ARHGEF12: variants seen among roughly 807,000 people sequenced by gnomAD.
The protein encoded by ARHGEF12 is KMT2A/ARHGEF12 fusion protein.
A neutral mutation model predicts 211.2 loss-of-function variants in ARHGEF12; 66 were observed. The observed-to-expected ratio is 0.31, with a 90% CI of 0.26 to 0.38. ARHGEF12 has a LOEUF of 0.38. Among genes scored for constraint, ARHGEF12 ranks in the 10% least tolerant of loss-of-function variants. The probability of loss-of-function intolerance (pLI) is 1.00; values close to 1 mark genes in which losing one functional copy is unlikely to be tolerated. For missense variants in ARHGEF12, 1,429 were observed against 1,869.5 expected (o/e 0.76, Z 4.34); for synonymous variants, 592 against 638.4 (o/e 0.93, Z 1.09).
Position 120,476,556 on chromosome 11 carries a change from A to C in ARHGEF12, c.3278-105A>C, listed in dbSNP as rs1051772123. On this transcript the variant is annotated intron_variant, in intron 33 of 40. Coordinates refer to ENST00000397843, the MANE Select transcript of ARHGEF12 (RefSeq NM_015313.3). ...GATGAATTTTAAAGTAAATATATGT[A>C]ACCTTTATCTAGTTTAAGGGGCAGA... 3 of 625,650 alleles carry C rather than the reference A, an allele frequency of 4.8e-6. No individual in the cohort carries two copies. The African/African-American group carries it at 5.5e-5, about 11-fold the overall frequency. 38.8% of individuals were successfully genotyped at this position (625,650 alleles called of 1,614,324 possible). A position where few individuals can be genotyped will look rare whatever the true frequency, so the allele number is the denominator to read the frequency against.
intron 25 of ARHGEF12, chr11:120,458,637 G>T (rs1033155038): frequency 7.8e-5 from 17 of 218,802 alleles, no homozygotes; most frequent in Non-Finnish European, 1.4e-4. Flanking sequence ...GTATCGAAGT[G>T]CAGTGTTCTT....
intron 1 of ARHGEF12, among the ~76,000 whole-genome samples, chr11:120,389,347 G>C (rs748403452): frequency 6.6e-6 from 1 of 152,052 alleles, no homozygotes; most frequent in Non-Finnish European, 1.5e-5. Context: ...TTCGTAGATT[G>C]TGCTTTTGCT....
At chr11:120,448,491 C>G in intron 20 of ARHGEF12, 143 bp downstream of exon 20, 1 of 626,190 alleles carries the variant, frequency 1.6e-6, no homozygotes, top group Non-Finnish European at 2.8e-6. Flanking sequence ...TGTCTCTGTT[C>G]TCAAGAAACT....
At chr11:120,353,599 A>G (rs894071482) in intron 1 of ARHGEF12, among the ~76,000 whole-genome samples, 5 of 152,152 alleles carry the variant, frequency 3.3e-5, no homozygotes, top group Admixed American at 3.3e-4. Context: ...CGATAGGGAT[A>G]CCTGGCCCCT....
chr11:120,421,514 T>C (rs1305674871), intron 5 of ARHGEF12, among the ~76,000 whole-genome samples: 2 of 141,100 alleles, frequency 1.4e-5, no homozygotes, highest in Non-Finnish European at 3.0e-5. Context: ...CTAGGCTCAC[T>C]GCAACCTCTG....
rs751820784 is a variant in ARHGEF12 at position 120,432,894 on chromosome 11, CTG to C, written c.924+984_924+985del. On this transcript the variant is annotated intron_variant, in intron 11 of 40. Transcript: ENST00000397843. ...CCCAGTTCCTCATGCAAAAAACAAA[CTG>C]AGGATTTGTGGGTTTTTTGTTTTGT... is the stretch of plus-strand genomic sequence containing the variant. 1.2e-4 allele frequency among the ~76,000 whole-genome samples: 18 copies of C among 152,144 alleles called. No individual in the cohort carries two copies. The East Asian group carries it at 2.7e-3, about 23-fold the overall frequency.
intron 1 of ARHGEF12, among the ~76,000 whole-genome samples, chr11:120,358,251 T>C (rs1323902128): frequency 1.3e-5 from 2 of 152,182 alleles, no homozygotes; most frequent in Admixed American, 1.3e-4. Context: ...TAAACTGAAG[T>C]TGTAACATAT....
At position 120,480,041 on chromosome 11, in the gene ARHGEF12, G is replaced by C; in HGVS notation, c.3848G>C (p.Arg1283Thr). Residue 1283 changes from arginine to threonine, a missense_variant, in exon 38 of 41, where the codon AGA (arginine) becomes ACA (threonine). This residue lies in a region of ARHGEF12 where 467 missense variants were observed against 468.4 expected (regional missense o/e 1.00). Transcript: ENST00000397843. ...SVQEDWQHFPRYRTASQGPQT... is the reference protein window; with the variant it reads ...SVQEDWQHFPTYRTASQGPQT... ...CAGGAAGACTGGCAACATTTCCCAAGATACAGAACAGCCTCTCAGGGGCCG... is the reference window on the plus strand; with the variant it reads ...CAGGAAGACTGGCAACATTTCCCAACATACAGAACAGCCTCTCAGGGGCCG... The C allele has an allele frequency of 6.2e-7, 1 of 1,614,164 alleles. No individual in the cohort carries two copies. The highest frequency in any genetic ancestry group is 8.5e-7 in the Non-Finnish European group (1 of 1,180,032).
At chr11:120,450,317 G>A (rs1946167467) in intron 21 of ARHGEF12, 1 of 137,186 alleles carries the variant, frequency 7.3e-6, no homozygotes, top group Non-Finnish European at 1.5e-5. Flanking sequence ...GCTGCTGTGA[G>A]CCATCATCTC....
chr11:120,407,875 A>G (rs763816756), intron 3 of ARHGEF12, 52 bp downstream of exon 3: 1 of 1,505,930 alleles, frequency 6.6e-7, no homozygotes, highest in South Asian at 1.1e-5. Context: ...GAAGTTCAGA[A>G]TAATAGAGCT....
At chr11:120,398,201 T>C (rs538520399) in intron 1 of ARHGEF12, among the ~76,000 whole-genome samples, 3 of 152,338 alleles carry the variant, frequency 2.0e-5, no homozygotes, top group South Asian at 4.1e-4. Flanking sequence ...GTCTTGTGTG[T>C]TAAGTATATT....
At chr11:120,474,862 A>G (rs1301555599) in intron 32 of ARHGEF12, among the ~76,000 whole-genome samples, 2 of 152,210 alleles carry the variant, frequency 1.3e-5, no homozygotes, top group Non-Finnish European at 2.9e-5. Flanking sequence ...TCCTATTTCC[A>G]TCATTCTTAT....
chr11:120,360,461 T>C (rs1035881522), intron 1 of ARHGEF12, among the ~76,000 whole-genome samples: 2 of 152,168 alleles, frequency 1.3e-5, no homozygotes, highest in African/African-American at 2.4e-5. Context: ...GATGCGGTCA[T>C]GGCTCGCTGC....
intron 32 of ARHGEF12, 95 bp downstream of exon 32, chr11:120,474,730 C>T (rs1946978932): frequency 3.2e-6 from 3 of 929,522 alleles, no homozygotes; most frequent in Admixed American, 2.6e-5. Flanking sequence ...GAGAACCATT[C>T]TCTCAGCAGT....
At chr11:120,471,394 A>G (rs758783981) in intron 30 of ARHGEF12, among the ~76,000 whole-genome samples, 9 of 152,224 alleles carry the variant, frequency 5.9e-5, no homozygotes, top group Non-Finnish European at 1.3e-4. Flanking sequence ...ATGAACTTCT[A>G]AGAGAGACCA....
intron 1 of ARHGEF12, chr11:120,337,493 C>G (rs1285290562): frequency 2.5e-5 from 25 of 985,266 alleles, no homozygotes; most frequent in Non-Finnish European, 3.0e-5. Flanking sequence ...CCTTCCGATT[C>G]TCAGAGAAGG....
At position 120,337,779 on chromosome 11, in the gene ARHGEF12, A is replaced by G. The variant is rs569097526; in HGVS notation, c.32+504A>G. The G allele has an allele frequency of 4.3e-5, 42 of 985,434 alleles. No individual in the cohort carries two copies. In the African/African-American group the frequency reaches 7.3e-4, roughly 17 times the overall value. 61.0% of individuals were successfully genotyped at this position (985,434 alleles called of 1,614,324 possible). ...CAGATGTTGACCTGCACGGTGTTTA[A>G]TTATTATCTAATAACTTTCCAGAAT... is the stretch of plus-strand genomic sequence containing the variant. On this transcript the variant is annotated intron_variant, in intron 1 of 40. Transcript: ENST00000397843.
chr11:120,377,625 A>G (rs1352434356), intron 1 of ARHGEF12, among the ~76,000 whole-genome samples: 3 of 152,118 alleles, frequency 2.0e-5, no homozygotes, highest in Non-Finnish European at 2.9e-5. Context: ...ATGAGCCACT[A>G]TGCCCAGCCT....
intron 1 of ARHGEF12, among the ~76,000 whole-genome samples, chr11:120,401,475 A>G (rs537137615): frequency 2.0e-5 from 3 of 152,348 alleles, no homozygotes; most frequent in East Asian, 1.9e-4. Context: ...GTTTAGATTC[A>G]TATCAGTTTC....
Sources: allele counts gnomAD v4.1 joint callset (sites outside exome capture counted in the v4.1 genomes callset), GRCh38; gene constraint gnomAD v4.1.1; regional missense constraint gnomAD v4.1.1; transcripts MANE v1.5; gene names NCBI Gene and HGNC (gene_info 2026-07-23, HGNC 2026-07-21).